Variants in FILIP1 observed in about 807,000 individuals in gnomAD.
FILIP1 encodes the protein filamin-A-interacting protein 1.
Under a neutral mutation model 102.1 loss-of-function variants are expected in FILIP1, and 61 were observed. The ratio of observed to expected loss-of-function variants is 0.60; its 90% CI spans 0.49 to 0.74. The LOEUF (loss-of-function observed/expected upper bound fraction) is 0.74, where lower values mean the gene tolerates loss of function less well. Among genes scored for constraint, FILIP1 ranks in the 30% least tolerant of loss-of-function variants. The pLI is 0.00. For synonymous variants in FILIP1, 491 were observed against 526.9 expected (o/e 0.93, Z 0.93); for missense variants, 1,314 against 1,441.2 (o/e 0.91, Z 1.43).
intron 3 of FILIP1, among the ~76,000 whole-genome samples, chr6:75,356,035 A>G (rs1774985371): frequency 6.6e-6 from 1 of 152,148 alleles, no homozygotes; most frequent in African/African-American, 2.4e-5. Context: ...CCATCCTGAC[A>G]TTGCCAAATG....
chr6:75,330,047 G>T (rs1324352107), intron 4 of FILIP1, among the ~76,000 whole-genome samples: 1 of 152,188 alleles, frequency 6.6e-6, no homozygotes, highest in Non-Finnish European at 1.5e-5. Flanking sequence ...TGAGAGAGAA[G>T]TGGATGAGGG....
intron 2 of FILIP1, among the ~76,000 whole-genome samples, chr6:75,368,935 T>C (rs780507597): frequency 6.6e-6 from 1 of 152,304 alleles, no homozygotes; most frequent in Admixed American, 6.5e-5. Flanking sequence ...AGCCAGTCTG[T>C]TGGGGCAGGC....
intron 1 of FILIP1, among the ~76,000 whole-genome samples, chr6:75,427,623 GTC>G (rs1020224004): frequency 3.3e-5 from 5 of 152,036 alleles, no homozygotes; most frequent in Non-Finnish European, 5.9e-5. Flanking sequence ...TATCGATTGC[GTC>G]TCTCTCTGCC....
chr6:75,485,779 G>C (rs941146773), intron 1 of FILIP1, among the ~76,000 whole-genome samples: 6 of 152,014 alleles, frequency 3.9e-5, no homozygotes, highest in Non-Finnish European at 5.9e-5. Context: ...ATCCATAGTA[G>C]CAAAATGGCT....
intron 1 of FILIP1, chr6:75,474,020 T>C (rs998832045): frequency 5.3e-5 from 8 of 152,204 alleles, no homozygotes; most frequent in African/African-American, 1.9e-4. Flanking sequence ...AACTGATCCA[T>C]TAAATTATTT....
At chr6:75,317,770 A>T (rs1207043443) in intron 4 of FILIP1, among the ~76,000 whole-genome samples, 1 of 152,154 alleles carries the variant, frequency 6.6e-6, no homozygotes, top group African/African-American at 2.4e-5. Flanking sequence ...CCCATCTCAT[A>T]GTTAAAGTGG....
Position 75,451,065 on chromosome 6 carries a change from G to A in FILIP1, c.-6-36087C>T, listed in dbSNP as rs148053738. Among the ~76,000 whole-genome samples the A allele has an allele frequency of 4.4e-3, 671 of 152,118 alleles. 3 individuals carry two copies. The highest frequency in any genetic ancestry group is 0.015 in the African/African-American group (617 of 41,526). On this transcript the variant is annotated intron_variant, in intron 1 of 5. Coordinates refer to ENST00000237172, the MANE Select transcript of FILIP1 (RefSeq NM_015687.5). ...ATGTTGGGGCAGGGATAAGTGTTGG[G>A]TGTCAGGGAGTGAGAGGAAACCACA...
chr6:75,334,319 T>C (rs996699209), intron 4 of FILIP1, among the ~76,000 whole-genome samples: 9 of 152,182 alleles, frequency 5.9e-5, no homozygotes, highest in Non-Finnish European at 1.2e-4. Context: ...GCACTCTTCA[T>C]ACCATACCAA....
chr6:75,387,253 T>C (rs1013586597), intron 2 of FILIP1, among the ~76,000 whole-genome samples: 1 of 152,178 alleles, frequency 6.6e-6, no homozygotes, highest in African/African-American at 2.4e-5. Flanking sequence ...CACACTTTCT[T>C]TTTCCAGTCT....
At chr6:75,435,586 G>A (rs981682516) in intron 1 of FILIP1, among the ~76,000 whole-genome samples, 2 of 152,146 alleles carry the variant, frequency 1.3e-5, no homozygotes, top group Admixed American at 6.6e-5. Flanking sequence ...CACCCATGAT[G>A]GGGGACCAAG....
intron 1 of FILIP1, among the ~76,000 whole-genome samples, chr6:75,486,002 C>CAT (rs1779778822): frequency 2.0e-5 from 3 of 149,102 alleles, no homozygotes; most frequent in African/African-American, 7.4e-5. Context: ...CACACATACA[C>CAT]ACACACACAC....
At chr6:75,307,161 A>C (rs947979885), downstream of FILIP1, among the ~76,000 whole-genome samples, 1 of 152,140 alleles carries the variant, frequency 6.6e-6, no homozygotes, top group African/African-American at 2.4e-5. Flanking sequence ...CAGCGATCTG[A>C]TTAAAATGAA....
intron 2 of FILIP1, among the ~76,000 whole-genome samples, chr6:75,378,342 AC>A (rs1272749800): frequency 1.3e-5 from 2 of 152,212 alleles, no homozygotes; most frequent in African/African-American, 4.8e-5. Flanking sequence ...AACATGTGGC[AC>A]TAAATAGATA....
intron 4 of FILIP1, among the ~76,000 whole-genome samples, chr6:75,349,177 A>T (rs563342707): frequency 1.3e-5 from 2 of 152,326 alleles, no homozygotes; most frequent in South Asian, 4.1e-4. Context: ...AACATCAAAC[A>T]TCTGAATCTG....
chr6:75,306,364 C>G (rs1393368225), downstream of FILIP1, among the ~76,000 whole-genome samples: 1 of 152,108 alleles, frequency 6.6e-6, no homozygotes, highest in East Asian at 1.9e-4. Context: ...AAGGTAAAAG[C>G]AAAAGCAGCA....
At chr6:75,307,609 C>A (rs1029248942), downstream of FILIP1, among the ~76,000 whole-genome samples, 12 of 152,212 alleles carry the variant, frequency 7.9e-5, no homozygotes, top group African/African-American at 2.6e-4. Flanking sequence ...CACAAATACA[C>A]CTGGCATTTT....
chr6:75,381,541 G>T (rs1775906521), intron 2 of FILIP1, among the ~76,000 whole-genome samples: 1 of 151,928 alleles, frequency 6.6e-6, no homozygotes, highest in African/African-American at 2.4e-5. Flanking sequence ...AATTTTTTTT[G>T]AAAGAAAGTG....
At chr6:75,362,350 A>C (rs527749775) in intron 3 of FILIP1, among the ~76,000 whole-genome samples, 1 of 152,358 alleles carries the variant, frequency 6.6e-6, no homozygotes, top group Non-Finnish European at 1.5e-5. Flanking sequence ...GTGTCTTTAT[A>C]ACCATATCAG....
downstream of FILIP1, among the ~76,000 whole-genome samples, chr6:75,307,521 G>A (rs543145606): frequency 1.3e-5 from 2 of 152,266 alleles, no homozygotes; most frequent in East Asian, 3.9e-4. Context: ...TGTGTGCTAA[G>A]CTGTGGGTTA....
Sources: gnomAD v4.1 joint callset for allele counts (sites outside exome capture counted in the v4.1 genomes callset) on GRCh38, gnomAD v4.1.1 for gene constraint, MANE v1.5 for transcripts, NCBI Gene and HGNC (gene_info 2026-07-23, HGNC 2026-07-21) for gene names.